The following TTN variants were observed in gnomAD, a reference collection of about 807,000 sequenced individuals.
TTN encodes connectin.
In TTN, 1,525 loss-of-function variants were observed where a neutral mutation model predicts 3,223.0. The ratio of observed to expected loss-of-function variants is 0.47; its 90% CI spans 0.45 to 0.49. The LOEUF (loss-of-function observed/expected upper bound fraction) is 0.49, where lower values mean the gene tolerates loss of function less well. TTN is among the 20% of genes least tolerant of loss of function. TTN has a pLI of 0.00. For synonymous variants in TTN, 14,094 were observed against 15,161.0 expected, an observed-to-expected ratio of 0.93 and a Z score of 5.17; for missense variants, 40,786 against 43,424.0, an observed-to-expected ratio of 0.94 and a Z score of 5.40.
Position 178,625,274 on chromosome 2 carries a change from T to G in TTN, c.44547A>C (p.Lys14849Asn). The G allele has an allele frequency of 6.2e-7, 1 of 1,604,936 alleles. No individual in the cohort carries two copies. The highest frequency in any genetic ancestry group is 8.5e-7 in the Non-Finnish European group (1 of 1,175,906). ...DFKTHANLFV[K>N]EPPVEFTKPL... ...TTTTAAAATAAGCCTTGTAATTACC[T>G]TTCACAAAGAGGTTGGCGTGAGTTT... is the stretch of plus-strand genomic sequence containing the variant. The change falls in exon 241 of 363, where the codon AAA becomes AAC. Residue 14849 changes from lysine (K) to asparagine (N), a missense_variant and splice_region_variant. By Grantham distance (94) the Lys-to-Asn change is moderately conservative (BLOSUM62 0). Transcript: ENST00000589042.
At chr2:178,627,122 C>G (rs1015855037) in intron 240 of TTN, among the ~76,000 whole-genome samples, 1 of 151,870 alleles carries the variant, frequency 6.6e-6, no homozygotes, top group African/African-American at 2.4e-5. Context: ...ATGACCATGA[C>G]AAAACTATTA....
rs777934657 is a variant in TTN at position 178,741,362 on chromosome 2, A to G, written c.11871T>C (p.Phe3957=). Residue 3957 remains phenylalanine (F), a synonymous_variant, in exon 48 of 363, where the codon TTT becomes TTC. Coordinates refer to ENST00000589042, the MANE Select transcript of TTN (RefSeq NM_001267550.2). ...CAGGCTCTCCAACCACTGTGTACTC[A>G]AAGATGGCAGGAAGCCCTTGAGCAC... ...IRCAQGLPAI[F]EYTVVGEPAP... is the part of the protein sequence containing the mutation. 1 of 1,613,874 alleles carries G rather than the reference A, an allele frequency of 6.2e-7. No individual in the cohort carries two copies. Among genetic ancestry groups the G allele is most frequent in the South Asian group, 1.1e-5 (1 of 91,086 alleles).
In TTN at chr2:178,718,773, A is replaced by T. The variant is rs1274064527; in HGVS notation, c.24427T>A (p.Leu8143Ile). 1.2e-6 allele frequency: 2 copies of T among 1,613,798 alleles called. No homozygotes were observed. The highest frequency in any genetic ancestry group is 1.7e-6 in the Non-Finnish European group (2 of 1,179,738). The change falls in exon 84 of 363, where the codon TTA becomes ATA. Residue 8143 changes from leucine to isoleucine, a missense_variant. Transcript: ENST00000589042. Reference protein sequence around the residue: ...TELELFEVQPLESGDYSCLVT... With the variant: ...TELELFEVQPIESGDYSCLVT... ...AGGCAAGAATAGTCTCCACTTTCTA[A>T]TGGCTGCACCTCAAACAACTCCAGT...
chr2:178,630,072 G>A (rs553499402), intron 239 of TTN, among the ~76,000 whole-genome samples, 169 bp downstream of exon 239: 1 of 152,130 alleles, frequency 6.6e-6, no homozygotes, highest in East Asian at 1.9e-4. Flanking sequence ...AAAACTTTAC[G>A]ATTTGAACCA....
rs754654936 is a variant in TTN, at chr2:178,782,444, C to T, written c.3165-17G>A. ...TCAACAAAGCTGGAAAGAGAATTCC[C>T]CTCATATTAGCTTCCGGGTTGCAAT... is the stretch of plus-strand genomic sequence containing the variant. On this transcript the variant is annotated splice_polypyrimidine_tract_variant and intron_variant, in intron 19 of 362. Transcript: ENST00000589042. 5.0e-6 allele frequency: 8 copies of T among 1,613,970 alleles called. No homozygotes were observed. The Admixed American group carries it at 1.2e-4, about 24-fold the overall frequency.
Position 178,584,425 on chromosome 2 carries a change from GC to G in TTN, c.65125del (p.Ala21709ProfsTer17). ...AGTTGACCGGACAAGAGTATCATTG[GC>G]TTTCACCCACAGCAAACTGTTTCTT... is the stretch of plus-strand genomic sequence containing the variant. ...KERNSLLWVKANDTLVRSTEY... is the reference protein window; with the variant it reads ...KERNSLLWVKXNDTLVRSTEY... On this transcript the variant is annotated frameshift_variant, in exon 311 of 363. Coordinates refer to ENST00000589042, the MANE Select transcript of TTN (RefSeq NM_001267550.2). LOFTEE classifies it high-confidence loss of function. 1 of 1,613,262 alleles carries G rather than the reference GC, an allele frequency of 6.2e-7. No homozygotes were observed. Among genetic ancestry groups the G allele is most frequent in the Non-Finnish European group, 8.5e-7 (1 of 1,179,510 alleles).
intron 24 of TTN, 64 bp downstream of exon 24, chr2:178,778,797 ACAATAGCAATTTG>A: frequency 6.3e-7 from 1 of 1,598,470 alleles, no homozygotes; most frequent in Non-Finnish European, 8.5e-7. Context: ...TTCTTCTTAC[ACAATAGCAATTTG>A]CTACTATTTG....
intron 43 of TTN, among the ~76,000 whole-genome samples, chr2:178,763,642 G>T (rs7559166): frequency 0.76 from 116,236 of 152,042 alleles, 45,143 homozygotes; most frequent in Non-Finnish European, 0.84. Context: ...GAAGGAGAAC[G>T]AGAGACATGA....
Position 178,685,528 on chromosome 2 carries a change from C to G in TTN, c.32382G>C (p.Glu10794Asp), listed in dbSNP as rs761971944. 1 of 1,612,880 alleles carries G rather than the reference C, an allele frequency of 6.2e-7. No homozygotes were observed. Among genetic ancestry groups the G allele is most frequent in the Non-Finnish European group, 8.5e-7 (1 of 1,179,438 alleles). The change falls in exon 128 of 363, where the codon GAG becomes GAC. Residue 10794 changes from glutamate to aspartate, a missense_variant. By Grantham distance (45) the Glu-to-Asp change is conservative. Coordinates refer to ENST00000589042, the MANE Select transcript of TTN (RefSeq NM_001267550.2). ...LHIISKRVEA[E>D]PAEVTERQEK... ...AAAGAGTCAGCATACCTTCAGCTGG[C>G]TCAGCTTCCACTCTCTTAGAAATAA...
rs1553761509 is a variant in TTN at position 178,646,118 on chromosome 2, A to ATATATT, written c.40298-89_40298-88insAATATA. On this transcript the variant is annotated intron_variant, in intron 216 of 362. Coordinates refer to ENST00000589042, the MANE Select transcript of TTN (RefSeq NM_001267550.2). ...TTTAATAGAAATTATATATATATATATATATATATATATATATATATATAT... is the reference window on the plus strand; with the variant it reads ...TTTAATAGAAATTATATATATATATATATATTTATATATATATATATATATATATAT... 5 of 129,924 alleles carry ATATATT rather than the reference A, an allele frequency of 3.8e-5. 2 individuals are homozygous for ATATATT. The highest frequency in any genetic ancestry group is 7.2e-5 in the Non-Finnish European group (5 of 69,656). 8.0% of individuals were successfully genotyped at this position (129,924 alleles called of 1,614,324 possible).
rs1289067128 is a variant in TTN, at chr2:178,568,052, AGGTGGTAACCTATGACGG to A, written c.78062_78079del (p.Pro26021_His26026del). 6.2e-7 allele frequency: 1 copy of A among 1,613,374 alleles called. No homozygotes were observed. The highest frequency in any genetic ancestry group is 2.2e-5 in the East Asian group (1 of 44,766). ...AATACTGTTTCTTTCTTTTCTCTCC[AGGTGGTAACCTATGACGG>A]GGCTTCCACCATTGTTGACTGGTTC... On this transcript the variant is annotated inframe_deletion, in exon 326 of 363. Coordinates refer to ENST00000589042, the MANE Select transcript of TTN (RefSeq NM_001267550.2).
rs768945739 is a variant in TTN, at chr2:178,570,359, T to C, written c.75773A>G (p.Asn25258Ser). Residue 25258 changes from asparagine to serine, a missense_variant, in exon 326 of 363, where the codon AAT becomes AGT. Asn to Ser is a conservative substitution (Grantham distance 46). Transcript: ENST00000589042. ...SRLVWTVVDA[N>S]VQTLSCKVTK... ...AACCTTGCAGCTGAGAGTCTGCACA[T>C]TGGCATCAACCACAGTCCAAACTAA... The C allele has an allele frequency of 9.9e-6, 16 of 1,613,270 alleles. No individual in the cohort carries two copies. The highest frequency in any genetic ancestry group is 1.3e-5 in the Non-Finnish European group (15 of 1,179,610).
intron 69 of TTN, chr2:178,726,548 C>G (rs1310129437): frequency 1.3e-5 from 2 of 150,580 alleles, no homozygotes; most frequent in Non-Finnish European, 2.9e-5. Flanking sequence ...AAAAAAAGCA[C>G]TGGAAAATTG....
Position 178,692,022 on chromosome 2 carries a change from G to A in TTN, c.31756C>T (p.Pro10586Ser), listed in dbSNP as rs768652249. Residue 10586 changes from proline (P) to serine (S), a missense_variant, in exon 121 of 363, where the codon CCA (proline) becomes TCA (serine). Physicochemically the swap from Pro to Ser is moderately conservative, Grantham distance 74. Transcript: ENST00000589042. ...PVPKKEPAAP[P>S]KVPEVPKKPV... ...ATCATTGGCTCTGGCGTACCTTTTG[G>A]GGGAGCAGCAGGTTCCTTCTTAGGC... The A allele has an allele frequency of 1.6e-5, 26 of 1,611,418 alleles. No homozygotes were observed. The highest frequency in any genetic ancestry group is 2.1e-5 in the Non-Finnish European group (25 of 1,178,650).
In TTN at chr2:178,776,545, A is replaced by G. The variant is rs147314442; in HGVS notation, c.5319T>C (p.Gly1773=). Residue 1773 remains glycine, a synonymous_variant, in exon 28 of 363, where the codon GGT becomes GGC. Coordinates refer to ENST00000589042, the MANE Select transcript of TTN (RefSeq NM_001267550.2). The stretch of plus-strand genomic sequence containing the variant: ...TGTTAGTGGCTCTGCAAGTAATGAT[A>G]CCACTGTCTCTAGAATATGCAACGC... ...DYGVAYSRDS[G]IITCRATNKY... is the part of the protein sequence containing the mutation. 4.3e-6 allele frequency: 7 copies of G among 1,611,656 alleles called. No individual in the cohort carries two copies. Among genetic ancestry groups the G allele is most frequent in the African/African-American group, 1.3e-5 (1 of 74,932 alleles).
chr2:178,549,418 A>G lies in TTN; in HGVS notation c.92208T>C (p.Ile30736=). 6.2e-7 allele frequency: 1 copy of G among 1,613,100 alleles called. No individual in the cohort carries two copies. The highest frequency in any genetic ancestry group is 8.5e-7 in the Non-Finnish European group (1 of 1,179,210). ...ATTCTGGCCTTGCCCATGTCAGGGT[A>G]ATGCTGTTGCCTGTTATGTTGCTAG... ...PEPSNITGNS[I]TLTWARPESD... is the part of the protein sequence containing the mutation. Residue 30736 remains isoleucine, a synonymous_variant, in exon 339 of 363, where the codon ATT becomes ATC. Coordinates refer to ENST00000589042, the MANE Select transcript of TTN (RefSeq NM_001267550.2).
Position 178,580,048 on chromosome 2 carries a change from G to A in TTN, c.67239C>T (p.Phe22413=), listed in dbSNP as rs1362083607. ...TTCCCTCCTCCAAATTAGCTACTCTGAAGCTTGTTTTGGAGCACTCAGTTG... is the reference window on the plus strand; with the variant it reads ...TTCCCTCCTCCAAATTAGCTACTCTAAAGCTTGTTTTGGAGCACTCAGTTG... ...TVTTECSKTS[F]RVANLEEGKS... is the part of the protein sequence containing the mutation. Residue 22413 remains phenylalanine (F), a synonymous_variant, in exon 318 of 363, where the codon TTC becomes TTT. Coordinates refer to ENST00000589042, the MANE Select transcript of TTN (RefSeq NM_001267550.2). 1 of 1,613,188 alleles carries A rather than the reference G, an allele frequency of 6.2e-7. No homozygotes were observed. The highest frequency in any genetic ancestry group is 8.5e-7 in the Non-Finnish European group (1 of 1,179,482).
chr2:178,719,103 G>C, intron 83 of TTN, 61 bp downstream of exon 83: 3 of 1,548,996 alleles, frequency 1.9e-6, no homozygotes, highest in Non-Finnish European at 2.6e-6. Context: ...AGGGAAGGCA[G>C]GCACCACGTC....
Position 178,603,912 on chromosome 2 carries a change from C to T in TTN, c.54775G>A (p.Glu18259Lys). The stretch of plus-strand genomic sequence containing the variant: ...CCTGCAACCTCTGGATCTGATGGTT[C>T]ACTGGGAGGACCAATTCCTGCAGCA... ...INAAGIGPPS[E>K]PSDPEVAGDP... is the part of the protein sequence containing the mutation. The change falls in exon 282 of 363, where the codon GAA (glutamate) becomes AAA (lysine). Residue 18259 changes from glutamate to lysine, a missense_variant. Physicochemically the swap from Glu to Lys is moderately conservative, Grantham distance 56. Transcript: ENST00000589042. 1 of 1,611,056 alleles carries T rather than the reference C, an allele frequency of 6.2e-7. No homozygotes were observed. The highest frequency in any genetic ancestry group is 8.5e-7 in the Non-Finnish European group (1 of 1,177,960).
Sources: gnomAD v4.1 joint callset for allele counts (sites outside exome capture counted in the v4.1 genomes callset) on GRCh38, gnomAD v4.1.1 for gene constraint, MANE v1.5 for transcripts, NCBI Gene and HGNC (gene_info 2026-07-23, HGNC 2026-07-21) for gene names.